Variants in ADGRD1 observed in about 807,000 individuals in gnomAD.
ADGRD1 encodes adhesion G protein-coupled receptor D1, also known as G-protein coupled receptor 133.
In ADGRD1, 77 loss-of-function variants were observed where a neutral mutation model predicts 113.4. The ratio of observed to expected loss-of-function variants is 0.68; its 90% CI spans 0.57 to 0.82. The LOEUF is 0.82. ADGRD1 is among the 40% of genes least tolerant of loss of function. The pLI, the probability that ADGRD1 is intolerant of heterozygous loss-of-function variation, is 0.00. For missense variants in ADGRD1, 1,036 were observed against 1,139.1 expected (o/e 0.91, Z 1.30); for synonymous variants, 474 against 475.0 (o/e 1.00, Z 0.03).
intron 13 of ADGRD1, among the ~76,000 whole-genome samples, chr12:131,044,895 G>A (rs1010246469): frequency 3.9e-5 from 6 of 152,254 alleles, no homozygotes; most frequent in Non-Finnish European, 8.8e-5. Flanking sequence ...GTATTCCACC[G>A]CGTGGCTGCG....
intron 13 of ADGRD1, among the ~76,000 whole-genome samples, chr12:131,037,512 G>A (rs1486711993): frequency 6.3e-5 from 7 of 111,156 alleles, no homozygotes; most frequent in African/African-American, 2.6e-4. Flanking sequence ...CATTGCACTG[G>A]GTCTCACTCA....
chr12:130,997,423 C>A (rs1487510974), intron 8 of ADGRD1, among the ~76,000 whole-genome samples: 1 of 143,670 alleles, frequency 7.0e-6, no homozygotes, highest in East Asian at 2.1e-4. Context: ...GGCTGCCGGG[C>A]GGAGGGGCTC....
At position 131,113,629 on chromosome 12, in the gene ADGRD1, C is replaced by T. The variant is rs916086554; in HGVS notation, c.2041+4752C>T. ...GGTAAATTGTGCTCCCCTCGTGGCT[C>T]CCTGGGGAGACTGAAGAGGCCACTT... On this transcript the variant is annotated intron_variant, in intron 18 of 24. Coordinates refer to ENST00000261654, the MANE Select transcript of ADGRD1 (RefSeq NM_198827.5). This position sits in a 1 kb window ranked among gnomAD's most constrained non-coding sequence, Gnocchi z 4.9. 7.2e-5 allele frequency among the ~76,000 whole-genome samples: 11 copies of T among 152,204 alleles called. 2 individuals carry two copies. Among genetic ancestry groups the T allele is most frequent in the Admixed American group, 7.2e-4 (11 of 15,280 alleles).
At chr12:130,964,983 A>G (rs1870850977) in intron 2 of ADGRD1, among the ~76,000 whole-genome samples, 1 of 152,226 alleles carries the variant, frequency 6.6e-6, no homozygotes, top group South Asian at 2.1e-4. Context: ...TCTAATACTC[A>G]TAGATTAAAG....
chr12:130,989,045 T>C (rs1036240648), intron 6 of ADGRD1: 5 of 152,200 alleles, frequency 3.3e-5, no homozygotes, highest in African/African-American at 1.2e-4. Context: ...AAACAGCCTG[T>C]GTCCACTACA....
intron 11 of ADGRD1, among the ~76,000 whole-genome samples, chr12:131,004,677 G>A (rs901278266): frequency 1.3e-5 from 2 of 152,164 alleles, no homozygotes; most frequent in South Asian, 2.1e-4. Context: ...CTGGTCAGCC[G>A]AAGATAAAAA....
chr12:131,136,951 C>T (rs764199317), intron 22 of ADGRD1, 22 bp from the exon 23 acceptor site: 56 of 1,596,026 alleles, frequency 3.5e-5, no homozygotes, highest in Admixed American at 6.7e-5. Flanking sequence ...CTAATCTCTG[C>T]GTTTCTTCCC....
Position 130,966,839 on chromosome 12 carries a change from T to C in ADGRD1, c.187+293T>C. On this transcript the variant is annotated intron_variant, in intron 3 of 24. Transcript: ENST00000261654. The surrounding 1 kb of genome is among the most constrained non-coding windows in gnomAD (Gnocchi z 4.6). ...GTCTTGCTATGTTGCCAGGCTGGTCTCAAGCTCCTGGCCTCAGCAATCCTC... is the reference window on the plus strand; with the variant it reads ...GTCTTGCTATGTTGCCAGGCTGGTCCCAAGCTCCTGGCCTCAGCAATCCTC... The C allele has an allele frequency of 2.5e-6, 1 of 407,236 alleles. No homozygotes were observed. The highest frequency in any genetic ancestry group is 3.2e-5 in the Admixed American group (1 of 31,356). The allele number at this position is 407,236 out of a possible 1,614,324, so 25.2% of individuals were successfully genotyped here.
At chr12:130,989,851 T>C (rs71468462) in intron 6 of ADGRD1, 13,682 of 152,354 alleles carry the variant, frequency 0.09, 800 homozygotes, top group Middle Eastern at 0.15. Context: ...CCCCTCTCCC[T>C]TACCACTGGA....
At chr12:130,990,739 A>C in intron 6 of ADGRD1, 1 of 327,848 alleles carries the variant, frequency 3.1e-6, no homozygotes, top group Non-Finnish European at 5.6e-6. Context: ...TCCTTGTATA[A>C]AATCATCTTT....
intron 13 of ADGRD1, among the ~76,000 whole-genome samples, chr12:131,067,468 C>T (rs1181298080): frequency 1.3e-5 from 2 of 152,260 alleles, no homozygotes; most frequent in African/African-American, 4.8e-5. Context: ...TCCTCCAGAC[C>T]TGGCTTCTGA....
chr12:131,105,802 G>A lies in ADGRD1; in HGVS notation c.1824G>A (p.Leu608=), dbSNP rs1382055679. Residue 608 remains leucine, a synonymous_variant, in exon 17 of 25, where the codon CTG becomes CTA. Coordinates refer to ENST00000261654, the MANE Select transcript of ADGRD1 (RefSeq NM_198827.5). ...RNQRYHIHAN[L]SFAVLVAQVL... The stretch of plus-strand genomic sequence containing the variant: ...AGCGCTACCACATCCACGCCAACCT[G>A]TCCTTCGCCGTGCTGGTGGCCCAGG... The A allele has an allele frequency of 1.7e-5, 28 of 1,601,114 alleles. No homozygotes were observed. The highest frequency in any genetic ancestry group is 2.4e-5 in the Non-Finnish European group (28 of 1,179,966).
At chr12:131,028,136 G>A (rs971288459) in intron 13 of ADGRD1, 3 of 152,178 alleles carry the variant, frequency 2.0e-5, no homozygotes, top group South Asian at 2.1e-4. Context: ...GGTGTGGCCC[G>A]TCTTTTCCAG....
At chr12:131,115,754 G>C (rs986172802) in intron 18 of ADGRD1, among the ~76,000 whole-genome samples, 2 of 152,196 alleles carry the variant, frequency 1.3e-5, no homozygotes, top group African/African-American at 4.8e-5. Flanking sequence ...GAGAGTTTCA[G>C]ATGACAGCAG....
chr12:130,993,584 C>T (rs1280215646), intron 8 of ADGRD1, among the ~76,000 whole-genome samples: 1 of 152,012 alleles, frequency 6.6e-6, no homozygotes, highest in Non-Finnish European at 1.5e-5. Flanking sequence ...CTGGCTTTGA[C>T]CCCAGCTCCA....
Position 131,084,458 on chromosome 12 carries a change from G to A in ADGRD1, c.1548-82G>A. The A allele has an allele frequency of 6.6e-7, 1 of 1,508,636 alleles. No individual in the cohort carries two copies. Among genetic ancestry groups the A allele is most frequent in the Admixed American group, 1.7e-5 (1 of 59,668 alleles). 93.5% of individuals were successfully genotyped at this position (1,508,636 alleles called of 1,614,324 possible). Reference sequence around the variant, plus strand: ...CCGCCATGAGTTCACGGGGCCATGTGTTATGGGGGGTGCTGCTCTCAGTCC... The same window carrying A: ...CCGCCATGAGTTCACGGGGCCATGTATTATGGGGGGTGCTGCTCTCAGTCC... On this transcript the variant is annotated intron_variant, in intron 14 of 24. Coordinates refer to ENST00000261654, the MANE Select transcript of ADGRD1 (RefSeq NM_198827.5). The surrounding 1 kb of genome is among the most constrained non-coding windows in gnomAD (Gnocchi z 4.5).
At chr12:131,023,586 G>A (rs1230998346) in intron 13 of ADGRD1, 1 of 152,158 alleles carries the variant, frequency 6.6e-6, no homozygotes, top group African/African-American at 2.4e-5. Flanking sequence ...TTGGTACTCA[G>A]TTTATCCTGG....
intron 3 of ADGRD1, chr12:130,967,124 G>T (rs1003926132): frequency 7.0e-6 from 3 of 426,654 alleles, no homozygotes; most frequent in African/African-American, 2.0e-5. Flanking sequence ...CACAGCAGGG[G>T]CCTATTGATG....
At chr12:131,030,427 A>T (rs1880569488) in intron 13 of ADGRD1, 1 of 152,704 alleles carries the variant, frequency 6.5e-6, no homozygotes, top group Non-Finnish European at 1.5e-5. Flanking sequence ...ATGCAGCTAG[A>T]TCTCAGAATG....
Sources: allele counts gnomAD v4.1 joint callset (sites outside exome capture counted in the v4.1 genomes callset), GRCh38; gene constraint gnomAD v4.1.1; non-coding constraint Gnocchi (gnomAD v3.1); transcripts MANE v1.5; gene names NCBI Gene and HGNC (gene_info 2026-07-23, HGNC 2026-07-21).